The following ZPBP variants were observed in gnomAD, a reference collection of about 807,000 sequenced individuals.
ZPBP encodes zona pellucida binding protein, also known as zona pellucida-binding protein 1.
In ZPBP, 26 loss-of-function variants were observed where a neutral mutation model predicts 44.8. That is an observed-to-expected ratio of 0.58 (90% CI 0.43 to 0.81). ZPBP has a LOEUF of 0.81. ZPBP is among the 30% of genes least tolerant of loss of function. The pLI is 0.00. For missense variants in ZPBP, 409 were observed against 434.0 expected (o/e 0.94, Z 0.51); for synonymous variants, 174 against 153.2 (o/e 1.14, Z -1.00).
At chr7:49,891,614 A>T (rs903375378) in intron 2 of ZPBP, among the ~76,000 whole-genome samples, 2 of 150,762 alleles carry the variant, frequency 1.3e-5, no homozygotes, top group East Asian at 1.9e-4. Context: ...ATATAACAAT[A>T]AAAAAAAACA....
chr7:50,086,194 G>T (rs556993552), intron 2 of ZPBP, among the ~76,000 whole-genome samples: 1 of 152,114 alleles, frequency 6.6e-6, no homozygotes, highest in Admixed American at 6.5e-5. Flanking sequence ...ACAAATACAC[G>T]ATATCAGCAA....
intron 4 of ZPBP, among the ~76,000 whole-genome samples, chr7:50,034,142 G>T (rs558439912): frequency 4.0e-4 from 61 of 151,644 alleles, no homozygotes; most frequent in Non-Finnish European, 5.9e-4. Context: ...ACTATAGTGT[G>T]CCTGTTATTA....
chr7:49,858,367 A>G (rs1790509318), intron 2 of ZPBP, among the ~76,000 whole-genome samples: 2 of 152,124 alleles, frequency 1.3e-5, no homozygotes, highest in Non-Finnish European at 2.9e-5. Flanking sequence ...ATGGAATACT[A>G]TGCAGCCATA....
intron 7 of ZPBP, chr7:49,944,043 G>T (rs146823286): frequency 7.9e-6 from 2 of 254,240 alleles, no homozygotes; most frequent in Non-Finnish European, 1.6e-5. Context: ...TATCAGGAAC[G>T]TGCACCTTTG....
chr7:49,850,886 C>A (rs1583676081), intron 2 of ZPBP, among the ~76,000 whole-genome samples: 1 of 152,204 alleles, frequency 6.6e-6, no homozygotes, highest in Non-Finnish European at 1.5e-5. Context: ...CAGGATGACT[C>A]CCTGTGGAGA....
At chr7:50,064,228 A>G (rs1302064486) in intron 3 of ZPBP, among the ~76,000 whole-genome samples, 1 of 152,156 alleles carries the variant, frequency 6.6e-6, no homozygotes, top group Non-Finnish European at 1.5e-5. Flanking sequence ...TCAAAAGGGG[A>G]GGGAGTGTGT....
chr7:50,090,462 T>A (rs1208317572), intron 1 of ZPBP, among the ~76,000 whole-genome samples: 2 of 81,144 alleles, frequency 2.5e-5, no homozygotes, highest in African/African-American at 9.3e-5. Flanking sequence ...GTATTCCATA[T>A]ATATATTTAT....
chr7:49,887,573 C>CTATA (rs1288835772), intron 2 of ZPBP, among the ~76,000 whole-genome samples: 1,944 of 152,084 alleles, frequency 0.013, 52 homozygotes, highest in African/African-American at 0.044. Flanking sequence ...TCATTTGTGT[C>CTATA]TGTATGATAA....
intron 1 of ZPBP, among the ~76,000 whole-genome samples, chr7:49,910,308 G>C (rs1583818261): frequency 6.6e-6 from 1 of 152,172 alleles, no homozygotes. Flanking sequence ...TCTGGAGTTT[G>C]CTGGATTAAT....
In ZPBP at chr7:49,898,310, G is replaced by A. The variant is rs149304293; in HGVS notation, n.509+2808C>T. 3.1e-3 allele frequency among the ~76,000 whole-genome samples: 462 copies of A among 150,604 alleles called. 5 individuals carry two copies. The highest frequency in any genetic ancestry group is 6.9e-3 in the African/African-American group (283 of 41,186). On this transcript the variant is annotated intron_variant and non_coding_transcript_variant, in intron 2 of 2. Transcript: ENST00000465922. ...TTTTAAATCAAGGTAAGAAAACATC[G>A]AAGTTTTTTTTTTTAAAAAAACCTT...
intron 2 of ZPBP, among the ~76,000 whole-genome samples, chr7:49,888,040 T>C (rs1791973142): frequency 6.6e-6 from 1 of 152,256 alleles, no homozygotes; most frequent in African/African-American, 2.4e-5. Context: ...GGCAGGCTCA[T>C]ACTGGCTTTG....
At chr7:49,851,011 C>T (rs1236177041) in intron 2 of ZPBP, among the ~76,000 whole-genome samples, 1 of 152,208 alleles carries the variant, frequency 6.6e-6, no homozygotes, top group Non-Finnish European at 1.5e-5. Context: ...TACTCGTCCG[C>T]AATTCTGCAG....
chr7:50,013,870 T>C (rs1023360797), intron 6 of ZPBP, among the ~76,000 whole-genome samples: 4 of 152,130 alleles, frequency 2.6e-5, no homozygotes, highest in African/African-American at 9.6e-5. Flanking sequence ...AATAAATGGA[T>C]GAATGAGTAA....
At chr7:50,083,253 A>G (rs1802463001) in intron 2 of ZPBP, among the ~76,000 whole-genome samples, 1 of 151,978 alleles carries the variant, frequency 6.6e-6, no homozygotes, top group Admixed American at 6.6e-5. Flanking sequence ...ATCAACAATA[A>G]TGCATTAAAC....
In ZPBP at chr7:50,019,843, A is replaced by G. The variant is rs73115294; in HGVS notation, c.707-1527T>C. ...GTTAATTTCAGACAGAGGTCCAACT[A>G]GGGTCACAGACTTGGGGGAGAAAAG... On this transcript the variant is annotated intron_variant, in intron 5 of 7. Coordinates refer to ENST00000046087, the MANE Select transcript of ZPBP (RefSeq NM_007009.3). 6.4e-3 allele frequency among the ~76,000 whole-genome samples: 980 copies of G among 152,200 alleles called. 3 individuals carry two copies. The highest frequency in any genetic ancestry group is 0.01 in the Non-Finnish European group (703 of 67,986).
intron 6 of ZPBP, among the ~76,000 whole-genome samples, chr7:50,017,113 G>A (rs192232232): frequency 6.6e-6 from 1 of 152,050 alleles, no homozygotes; most frequent in Non-Finnish European, 1.5e-5. Context: ...TTATTACATT[G>A]TAATAAATCA....
intron 1 of ZPBP, chr7:49,916,357 T>C (rs1296892885): frequency 6.6e-6 from 1 of 152,204 alleles, no homozygotes; most frequent in Non-Finnish European, 1.5e-5. Flanking sequence ...ACATGGTCTT[T>C]ACTATCTCAG....
chr7:49,938,992 T>C (rs1383974232), intron 7 of ZPBP, among the ~76,000 whole-genome samples: 1 of 152,196 alleles, frequency 6.6e-6, no homozygotes, highest in East Asian at 1.9e-4. Context: ...ATAGATGTTT[T>C]ATTTGGGAGA....
intron 7 of ZPBP, among the ~76,000 whole-genome samples, chr7:49,955,127 A>G (rs1795521434): frequency 6.6e-6 from 1 of 152,198 alleles, no homozygotes; most frequent in Non-Finnish European, 1.5e-5. Context: ...GGACTTATCA[A>G]AAACTTAAAA....
Sources: allele counts gnomAD v4.1 joint callset (sites outside exome capture counted in the v4.1 genomes callset), GRCh38; gene constraint gnomAD v4.1.1; transcripts MANE v1.5; gene names NCBI Gene and HGNC (gene_info 2026-07-23, HGNC 2026-07-21).